Variants in ASAP2 observed in about 807,000 individuals in gnomAD.
ASAP2 encodes the protein arf-GAP with SH3 domain, ANK repeat and PH domain-containing protein 2.
A neutral mutation model predicts 131.4 loss-of-function variants in ASAP2; 45 were observed. The observed-to-expected ratio is 0.34, with a 90% CI of 0.27 to 0.44. ASAP2 has a LOEUF of 0.44. Ranked by LOEUF, ASAP2 falls within the 20% of genes least tolerant of loss-of-function variation. ASAP2 has a pLI of 1.00. For synonymous variants in ASAP2, 510 were observed against 503.0 expected (o/e 1.01, Z -0.19); for missense variants, 1,011 against 1,297.0 (o/e 0.78, Z 3.39).
chr2:9,264,794 G>A (rs1456155047), intron 1 of ASAP2, among the ~76,000 whole-genome samples: 1 of 152,044 alleles, frequency 6.6e-6, no homozygotes, highest in Admixed American at 6.6e-5. Flanking sequence ...GTCTCAAGGG[G>A]AAAATATTCA....
At chr2:9,400,935 G>A (rs1676610402) in intron 26 of ASAP2, 105 bp downstream of exon 26, 1 of 1,156,914 alleles carries the variant, frequency 8.6e-7, no homozygotes, top group Non-Finnish European at 1.2e-6. Context: ...CCCCTGGCTG[G>A]GGCAGGGCGG....
At chr2:9,328,645 A>G (rs928790081) in intron 7 of ASAP2, among the ~76,000 whole-genome samples, 2 of 152,218 alleles carry the variant, frequency 1.3e-5, no homozygotes, top group Admixed American at 6.5e-5. Flanking sequence ...CAGCTTTGCC[A>G]TCTGTGTCAG....
At chr2:9,393,755 G>T in intron 24 of ASAP2, 108 bp downstream of exon 24, 2 of 1,211,298 alleles carry the variant, frequency 1.7e-6, no homozygotes, top group Non-Finnish European at 2.2e-6. Context: ...ACTCCAGCGT[G>T]GGCGCCACAT....
intron 2 of ASAP2, among the ~76,000 whole-genome samples, chr2:9,287,731 C>T (rs927085877): frequency 3.3e-5 from 5 of 152,142 alleles, no homozygotes; most frequent in Admixed American, 2.6e-4. Context: ...GGCTCGAAGG[C>T]CCTGGAGATG....
At chr2:9,283,003 C>T (rs1667231328) in intron 2 of ASAP2, among the ~76,000 whole-genome samples, 1 of 152,250 alleles carries the variant, frequency 6.6e-6, no homozygotes, top group African/African-American at 2.4e-5. Context: ...TGCTTCCCCA[C>T]CCATTTTCAT....
rs1225188766 is a variant in ASAP2, at chr2:9,405,298, A to G, written c.*1971A>G. 6.6e-6 allele frequency: 1 copy of G among 152,392 alleles called. No homozygotes were observed. The highest frequency in any genetic ancestry group is 2.4e-5 in the African/African-American group (1 of 41,476). 9.4% of individuals were successfully genotyped at this position (152,392 alleles called of 1,614,324 possible). ...AATTAAAAAAGCAACTAAGAGAAAG[A>G]AAAACATTGTAGATATCTATTTATA... On this transcript the variant is annotated 3_prime_UTR_variant, in exon 28 of 28. Coordinates refer to ENST00000281419, the MANE Select transcript of ASAP2 (RefSeq NM_003887.3).
chr2:9,364,857 C>A (rs1218558609), intron 15 of ASAP2, among the ~76,000 whole-genome samples: 2 of 152,154 alleles, frequency 1.3e-5, no homozygotes, highest in East Asian at 3.8e-4. Flanking sequence ...AGGTGTTCTA[C>A]GTACACTGTA....
intron 18 of ASAP2, among the ~76,000 whole-genome samples, chr2:9,377,585 A>T (rs1674504940): frequency 6.6e-6 from 1 of 152,190 alleles, no homozygotes; most frequent in Non-Finnish European, 1.5e-5. Flanking sequence ...CTGGCAGCTG[A>T]AGGCTGGACT....
intron 3 of ASAP2, among the ~76,000 whole-genome samples, chr2:9,317,799 TTCACACAC>T (rs752808199): frequency 1.4e-4 from 19 of 139,714 alleles, no homozygotes; most frequent in Non-Finnish European, 2.1e-4. Context: ...CACAATCGCA[TTCACACAC>T]TCACACAATC....
intron 1 of ASAP2, among the ~76,000 whole-genome samples, chr2:9,243,544 A>G (rs1664129485): frequency 6.6e-6 from 1 of 152,224 alleles, no homozygotes. Context: ...TGCTTTCTGT[A>G]CGTCAGGCAG....
intron 1 of ASAP2, among the ~76,000 whole-genome samples, chr2:9,265,084 C>T (rs191036530): frequency 7.2e-5 from 11 of 152,118 alleles, no homozygotes; most frequent in Admixed American, 2.6e-4. Context: ...TGCAGTGAGC[C>T]GTGATCACAC....
At chr2:9,362,000 T>C (rs1167457386) in intron 15 of ASAP2, among the ~76,000 whole-genome samples, 1 of 151,956 alleles carries the variant, frequency 6.6e-6, no homozygotes, top group East Asian at 1.9e-4. Context: ...TGTGTGTGTG[T>C]GTGTGTGTGT....
intron 1 of ASAP2, among the ~76,000 whole-genome samples, chr2:9,245,594 G>A (rs1664282946): frequency 6.6e-6 from 1 of 152,164 alleles, no homozygotes; most frequent in Admixed American, 6.5e-5. Flanking sequence ...GAATCTAAAA[G>A]AGCACCACTC....
chr2:9,313,537 G>T (rs1669451897), intron 3 of ASAP2, among the ~76,000 whole-genome samples: 1 of 152,208 alleles, frequency 6.6e-6, no homozygotes, highest in Non-Finnish European at 1.5e-5. Context: ...TCACTGGATG[G>T]TTCTGGTGCC....
intron 1 of ASAP2, among the ~76,000 whole-genome samples, chr2:9,238,588 G>A (rs1390986150): frequency 6.6e-6 from 1 of 152,182 alleles, no homozygotes; most frequent in Non-Finnish European, 1.5e-5. Context: ...CCATAGCACT[G>A]GTTTAAGTAC....
Position 9,387,674 on chromosome 2 carries a change from G to A in ASAP2, c.2131-620G>A, listed in dbSNP as rs186257301. Reference sequence around the variant, plus strand: ...ATAACTTCGACTCATAAGATAAATAGCTTATATTTTAAATCCATCACAGAA... The same window carrying A: ...ATAACTTCGACTCATAAGATAAATAACTTATATTTTAAATCCATCACAGAA... On this transcript the variant is annotated intron_variant, in intron 21 of 27. Transcript: ENST00000281419. 2.8e-3 allele frequency among the ~76,000 whole-genome samples: 426 copies of A among 152,302 alleles called. 2 individuals carry two copies. Among genetic ancestry groups the A allele is most frequent in the Non-Finnish European group, 3.9e-3 (264 of 68,026 alleles).
intron 23 of ASAP2, among the ~76,000 whole-genome samples, chr2:9,393,043 A>G (rs574963977): frequency 6.6e-6 from 1 of 152,106 alleles, no homozygotes; most frequent in Non-Finnish European, 1.5e-5. Context: ...CTCTCCTCAG[A>G]TCCACCCTGC....
At chr2:9,294,144 A>G (rs1668005993) in intron 2 of ASAP2, among the ~76,000 whole-genome samples, 1 of 151,876 alleles carries the variant, frequency 6.6e-6, no homozygotes, top group Non-Finnish European at 1.5e-5. Context: ...AATTACAGGC[A>G]TGTGCCACCA....
chr2:9,325,018 T>G (rs1293510269), intron 6 of ASAP2, among the ~76,000 whole-genome samples: 1 of 152,222 alleles, frequency 6.6e-6, no homozygotes, highest in African/African-American at 2.4e-5. Context: ...GCCTTGTTTT[T>G]CATTGAGAGA....
Sources: gnomAD v4.1 joint callset for allele counts (sites outside exome capture counted in the v4.1 genomes callset) on GRCh38, gnomAD v4.1.1 for gene constraint, MANE v1.5 for transcripts, NCBI Gene and HGNC (gene_info 2026-07-23, HGNC 2026-07-21) for gene names.